SCARA3: variants seen among roughly 807,000 people sequenced by gnomAD.
SCARA3 encodes the protein scavenger receptor class A member 3, also known as cellular stress response gene protein.
Under a neutral mutation model 47.0 loss-of-function variants are expected in SCARA3, and 39 were observed. That is an observed-to-expected ratio of 0.83 (90% CI 0.64 to 1.08). The LOEUF (loss-of-function observed/expected upper bound fraction) is 1.08. Among genes scored for constraint, SCARA3 ranks in the 50% least tolerant of loss-of-function variants. SCARA3 has a pLI of 0.00. For synonymous variants in SCARA3, 356 were observed against 334.1 expected, an observed-to-expected ratio of 1.07 and a Z score of -0.71; for missense variants, 724 against 792.3, an observed-to-expected ratio of 0.91 and a Z score of 1.04.
At chr8:27,714,806 TAAA>T in the SCARA3 span, among the ~76,000 whole-genome samples, 1 of 152,156 alleles carries the variant, frequency 6.6e-6, no homozygotes, top group Non-Finnish European at 1.5e-5. Context: ...GAATTGAAAA[TAAA>T]AAACAGTATT....
At chr8:27,686,170 G>A in the SCARA3 span, among the ~76,000 whole-genome samples, 3 of 152,122 alleles carry the variant, frequency 2.0e-5, no homozygotes, top group Non-Finnish European at 4.4e-5. Flanking sequence ...GCTGGGCGTG[G>A]TGGCTCATGC....
chr8:27,657,165 A>T (rs551774938), intron 4 of SCARA3, among the ~76,000 whole-genome samples: 1 of 152,316 alleles, frequency 6.6e-6, no homozygotes, highest in Admixed American at 6.5e-5. Flanking sequence ...TTCCCAAAAT[A>T]GCCTCATGCA....
chr8:27,725,996 T>C, the SCARA3 span, among the ~76,000 whole-genome samples: 1 of 152,172 alleles, frequency 6.6e-6, no homozygotes, highest in African/African-American at 2.4e-5. Flanking sequence ...AGTCATGAGC[T>C]CCCGTCTCTG....
chr8:27,713,268 A>G, the SCARA3 span, among the ~76,000 whole-genome samples: 2 of 152,228 alleles, frequency 1.3e-5, no homozygotes, highest in African/African-American at 2.4e-5. Context: ...ATGTCTTCTC[A>G]TTATTAGATT....
At chr8:27,683,900 A>G in the SCARA3 span, among the ~76,000 whole-genome samples, 92 of 152,276 alleles carry the variant, frequency 6.0e-4, 1 homozygote, top group East Asian at 0.018. Context: ...GAATGACATG[A>G]AAAAAACTCA....
chr8:27,676,861 C>T, downstream of SCARA3: 1 of 274,034 alleles, frequency 3.6e-6, no homozygotes, highest in Non-Finnish European at 6.8e-6. Flanking sequence ...GTCCAACACT[C>T]TGCCTTCTGA....
the SCARA3 span, among the ~76,000 whole-genome samples, chr8:27,706,276 C>T: frequency 6.6e-6 from 1 of 152,166 alleles, no homozygotes; most frequent in Non-Finnish European, 1.5e-5. Flanking sequence ...GCCTCAGCCT[C>T]CCGAGTAGCT....
the SCARA3 span, among the ~76,000 whole-genome samples, chr8:27,725,739 C>T: frequency 6.6e-6 from 1 of 152,134 alleles, no homozygotes; most frequent in South Asian, 2.1e-4. Flanking sequence ...TGCTCCTTCC[C>T]TGGGAGTAAG....
intron 3 of SCARA3, among the ~76,000 whole-genome samples, chr8:27,652,768 T>A (rs1801660088): frequency 6.6e-6 from 1 of 152,240 alleles, no homozygotes; most frequent in South Asian, 2.1e-4. Context: ...TCAAGGGGCA[T>A]GGTTCTTCCC....
chr8:27,700,984 T>A, the SCARA3 span, among the ~76,000 whole-genome samples: 1 of 152,294 alleles, frequency 6.6e-6, no homozygotes, highest in African/African-American at 2.4e-5. Context: ...TTGTACATAC[T>A]ATTCACAACA....
At position 27,659,519 on chromosome 8, in the gene SCARA3, G is replaced by C. The variant is rs141443674; in HGVS notation, c.1349G>C (p.Arg450Pro). Residue 450 changes from arginine to proline, a missense_variant, in exon 5 of 6, where the codon CGC (arginine) becomes CCC (proline). Transcript: ENST00000301904. The part of the protein sequence containing the change: ...AVDTQHGEIL[R>P]NVTILRGAPG... ...GACACACAGCATGGAGAAATCCTTC[G>C]CAATGTCACCATCCTACGAGGTAAG... The C allele has an allele frequency of 6.2e-7, 1 of 1,609,674 alleles. No individual in the cohort carries two copies. The highest frequency in any genetic ancestry group is 1.3e-5 in the African/African-American group (1 of 74,950).
the SCARA3 span, among the ~76,000 whole-genome samples, chr8:27,716,341 AG>A: frequency 6.6e-6 from 1 of 151,842 alleles, no homozygotes; most frequent in Admixed American, 6.6e-5. Context: ...ATATATATAA[AG>A]AACCAGGAAT....
At chr8:27,684,290 A>G in the SCARA3 span, among the ~76,000 whole-genome samples, 4 of 152,244 alleles carry the variant, frequency 2.6e-5, no homozygotes, top group Admixed American at 2.6e-4. Context: ...TAGTTTAAAT[A>G]AATATAGAAA....
At chr8:27,676,477 A>T (rs1029982998), downstream of SCARA3, 1 of 1,462,456 alleles carries the variant, frequency 6.8e-7, no homozygotes, top group East Asian at 2.3e-5. Context: ...CCTAAGCCCA[A>T]AGTCTCCAAC....
At chr8:27,706,163 T>C in the SCARA3 span, among the ~76,000 whole-genome samples, 8 of 152,262 alleles carry the variant, frequency 5.3e-5, no homozygotes, top group South Asian at 1.7e-3. Context: ...GTTTTTGTTT[T>C]TGTTTTGAGA....
intron 1 of SCARA3, among the ~76,000 whole-genome samples, chr8:27,644,563 C>T (rs1464424827): frequency 1.3e-5 from 2 of 152,026 alleles, no homozygotes; most frequent in Non-Finnish European, 2.9e-5. Context: ...CTTCCAAGCC[C>T]ATCCGCTCCT....
Position 27,671,571 on chromosome 8 carries a change from C to T in SCARA3, c.*220C>T, listed in dbSNP as rs1246144481. ...ATGTGCACATGCACACACATGCATG[C>T]ACACACATGCACACATACACGCACA... On this transcript the variant is annotated 3_prime_UTR_variant, in exon 6 of 6. Transcript: ENST00000301904. 2 of 1,263,166 alleles carry T rather than the reference C, an allele frequency of 1.6e-6. No homozygotes were observed. Among genetic ancestry groups the T allele is most frequent in the African/African-American group, 1.6e-5 (1 of 64,490 alleles). 78.2% of individuals were successfully genotyped at this position (1,263,166 alleles called of 1,614,324 possible).
intron 5 of SCARA3, among the ~76,000 whole-genome samples, chr8:27,664,450 G>A (rs1442033022): frequency 6.6e-6 from 1 of 152,204 alleles, no homozygotes; most frequent in Non-Finnish European, 1.5e-5. Flanking sequence ...AAAGGAATAA[G>A]CACAGGGTCA....
the SCARA3 span, among the ~76,000 whole-genome samples, chr8:27,711,959 TG>T: frequency 1.3e-5 from 2 of 152,228 alleles, no homozygotes; most frequent in African/African-American, 4.8e-5. Context: ...CTCTTGGTGT[TG>T]TACAGTCTGT....
Sources: allele counts gnomAD v4.1 joint callset (sites outside exome capture counted in the v4.1 genomes callset), GRCh38; gene constraint gnomAD v4.1.1; transcripts MANE v1.5; gene names NCBI Gene and HGNC (gene_info 2026-07-23, HGNC 2026-07-21).